Variants in LMBR1L observed in about 807,000 individuals in gnomAD.
LMBR1L encodes limb development membrane protein 1 like.
LMBR1L carries 47 observed loss-of-function variants against 67.3 expected under a neutral mutation model. That is an observed-to-expected ratio of 0.70 (90% CI 0.55 to 0.89). LMBR1L has a LOEUF of 0.89. LMBR1L is among the 40% of genes least tolerant of loss of function. LMBR1L has a pLI of 0.00. For missense variants in LMBR1L, 533 were observed against 599.2 expected, an observed-to-expected ratio of 0.89 and a Z score of 1.15; for synonymous variants, 247 against 250.3, an observed-to-expected ratio of 0.99 and a Z score of 0.13.
At chr12:49,104,676 T>C in intron 4 of LMBR1L, 70 bp downstream of exon 4, 1 of 1,601,162 alleles carries the variant, frequency 6.2e-7, no homozygotes. Context: ...CACGGCTGCC[T>C]GAGTCCACCC....
At chr12:49,106,242 G>A (rs923466912) in intron 2 of LMBR1L, among the ~76,000 whole-genome samples, 1 of 152,120 alleles carries the variant, frequency 6.6e-6, no homozygotes, top group Non-Finnish European at 1.5e-5. Flanking sequence ...CTCTTTATAT[G>A]CTCAAACTAT....
At chr12:49,102,089 C>T in intron 11 of LMBR1L, 31 bp downstream of exon 11, 1 of 1,588,692 alleles carries the variant, frequency 6.3e-7, no homozygotes, top group Non-Finnish European at 8.6e-7. Flanking sequence ...ACTGAGGGTC[C>T]ACTCCTCACC....
At position 49,103,168 on chromosome 12, in the gene LMBR1L, A is replaced by T; in HGVS notation, c.563-9T>A. On this transcript the variant is annotated splice_polypyrimidine_tract_variant and intron_variant, in intron 6 of 16. Transcript: ENST00000267102. ...ATAGTACTCCCAAAAGTCTAAGGATAAAAAAAAGAGGCATGTCAGCTCATC... is the reference window on the plus strand; with the variant it reads ...ATAGTACTCCCAAAAGTCTAAGGATTAAAAAAAGAGGCATGTCAGCTCATC... 1 of 1,606,040 alleles carries T rather than the reference A, an allele frequency of 6.2e-7. No homozygotes were observed. The highest frequency in any genetic ancestry group is 8.5e-7 in the Non-Finnish European group (1 of 1,173,296).
In LMBR1L at chr12:49,097,366, A is replaced by C. The variant is rs1013792621; in HGVS notation, c.*306T>G. 2.6e-6 allele frequency: 1 copy of C among 384,104 alleles called. No homozygotes were observed. Among genetic ancestry groups the C allele is most frequent in the African/African-American group, 2.0e-5 (1 of 49,676 alleles). 23.8% of individuals were successfully genotyped at this position (384,104 alleles called of 1,614,324 possible). On this transcript the variant is annotated 3_prime_UTR_variant, in exon 17 of 17. Transcript: ENST00000267102. ...CTATTGCACATCAAATCATGTAAAC[A>C]TGGCTATGGGGATGGCCCAGAACAG...
chr12:49,103,039 T>C lies in LMBR1L; in HGVS notation c.631+52A>G, dbSNP rs1394125076. 2.4e-5 allele frequency: 38 copies of C among 1,608,478 alleles called. No individual in the cohort carries two copies. In the Middle Eastern group the frequency reaches 6.6e-4, roughly 28 times the overall value. On this transcript the variant is annotated intron_variant, in intron 7 of 16. Coordinates refer to ENST00000267102, the MANE Select transcript of LMBR1L (RefSeq NM_018113.4). ...CCCATTCCCTTTCCTTCTAGCCTGG[T>C]TACTCTGGTCCAAGGACCCTGCCCA...
At chr12:49,100,830 C>T (rs1304894572) in intron 13 of LMBR1L, 184 bp from the exon 14 acceptor site, 3 of 605,810 alleles carry the variant, frequency 5.0e-6, no homozygotes, top group Admixed American at 6.2e-5. Context: ...TGGGCTTAAG[C>T]GATCTTCCCA....
In LMBR1L at chr12:49,104,865, G is replaced by GT; in HGVS notation, c.211dup (p.Thr71AsnfsTer20). 6.2e-7 allele frequency: 1 copy of GT among 1,612,962 alleles called. No homozygotes were observed. Among genetic ancestry groups the GT allele is most frequent in the Non-Finnish European group, 8.5e-7 (1 of 1,179,578 alleles). On this transcript the variant is annotated frameshift_variant, in exon 4 of 17. Transcript: ENST00000267102. LOFTEE classifies it high-confidence loss of function. Reference sequence around the variant, plus strand: ...GACAGCACCCAGGGCAATTGCCAGGGTAAAGGTGCACAGCTCGAGCCTGGG... The same window carrying GT: ...GACAGCACCCAGGGCAATTGCCAGGGTTAAAGGTGCACAGCTCGAGCCTGGG...
At position 49,102,188 on chromosome 12, in the gene LMBR1L, G is replaced by T. The variant is rs758828358; in HGVS notation, c.862C>A (p.Arg288=). The change falls in exon 11 of 17, where the codon CGG becomes AGG. Residue 288 remains arginine, a synonymous_variant. Transcript: ENST00000267102. The part of the protein sequence containing the change: ...QTQRVLLEKR[R]KASAWQRNLG... ...TTCCGTTGCCAGGCTGAAGCCTTCC[G>T]CCTCTTCTCTGTGCAGGGATGGGAG... 6.2e-7 allele frequency: 1 copy of T among 1,614,126 alleles called. No homozygotes were observed. The highest frequency in any genetic ancestry group is 8.5e-7 in the Non-Finnish European group (1 of 1,180,002).
In LMBR1L at chr12:49,097,595, G is replaced by T; in HGVS notation, c.*77C>A. On this transcript the variant is annotated 3_prime_UTR_variant, in exon 17 of 17. Transcript: ENST00000267102. ...TCAGATTCCAGGTCCTGAGGTCCAA[G>T]TAGCCTTGGGCTTCCCTCCAGGCCT... is the stretch of plus-strand genomic sequence containing the variant. The T allele has an allele frequency of 6.9e-7, 1 of 1,455,158 alleles. No individual in the cohort carries two copies. Among genetic ancestry groups the T allele is most frequent in the Non-Finnish European group, 9.6e-7 (1 of 1,042,850 alleles). The allele number at this position is 1,455,158 out of a possible 1,614,324, so 90.1% of individuals were successfully genotyped here.
At chr12:49,105,224 G>T in intron 3 of LMBR1L, 1 of 284,636 alleles carries the variant, frequency 3.5e-6, no homozygotes, top group African/African-American at 2.1e-5. Flanking sequence ...TAGGGGACCT[G>T]GCTTCTCTTC....
chr12:49,097,767 A>C lies in LMBR1L; in HGVS notation c.1403-28T>G, dbSNP rs369732299. ...GGAGAAGAGGAGATGGGCAGTCAAA[A>C]GCAAGTCAAAGGTCCAGTCCGTTAG... On this transcript the variant is annotated intron_variant, in intron 16 of 16. Transcript: ENST00000267102. 1.9e-4 allele frequency: 307 copies of C among 1,613,756 alleles called. 2 individuals are homozygous for C. Among genetic ancestry groups the C allele is most frequent in the Middle Eastern group, 3.3e-4 (2 of 6,038 alleles).
intron 2 of LMBR1L, 137 bp downstream of exon 2, chr12:49,106,824 G>A: frequency 1.1e-6 from 1 of 878,336 alleles, no homozygotes. Flanking sequence ...TTGCAGAAAG[G>A]GAGGCTGAAG....
At chr12:49,101,118 T>A in intron 13 of LMBR1L, 132 bp downstream of exon 13, 2 of 1,579,604 alleles carry the variant, frequency 1.3e-6, no homozygotes, top group Non-Finnish European at 8.6e-7. Context: ...CTGAGGTTGA[T>A]GAAAACTTGC....
In LMBR1L at chr12:49,102,955, T is replaced by C. The variant is rs748341149; in HGVS notation, c.632-4A>G. 1.2e-6 allele frequency: 2 copies of C among 1,613,868 alleles called. No homozygotes were observed. Among genetic ancestry groups the C allele is most frequent in the Non-Finnish European group, 8.5e-7 (1 of 1,179,906 alleles). On this transcript the variant is annotated splice_polypyrimidine_tract_variant and splice_region_variant and intron_variant, in intron 7 of 16. Coordinates refer to ENST00000267102, the MANE Select transcript of LMBR1L (RefSeq NM_018113.4). ...GCGAGACCCAGTGGAGTACACACTG[T>C]AGGGACAAGAGCCAGTCACTTGCCA... is the stretch of plus-strand genomic sequence containing the variant.
chr12:49,101,915 A>G lies in LMBR1L; in HGVS notation c.930+205T>C, dbSNP rs559883018. On this transcript the variant is annotated intron_variant, in intron 11 of 16. Coordinates refer to ENST00000267102, the MANE Select transcript of LMBR1L (RefSeq NM_018113.4). ...CTGGCCCTGTGTCTTTGGGCAAGTC[A>G]CTCAACTCTGTCTCTTCGTCTACAA... 2.2e-5 allele frequency: 13 copies of G among 596,800 alleles called. No individual in the cohort carries two copies. The African/African-American group carries it at 2.4e-4, about 11-fold the overall frequency. 37.0% of individuals were successfully genotyped at this position (596,800 alleles called of 1,614,324 possible).
chr12:49,110,673 G>C lies in LMBR1L; in HGVS notation c.-118C>G. On this transcript the variant is annotated 5_prime_UTR_variant, in exon 1 of 17. Coordinates refer to ENST00000267102, the MANE Select transcript of LMBR1L (RefSeq NM_018113.4). ...CTAGGGGCCTTTCCTCGCAGCCTGC[G>C]ACAGAAACTCGGGGCAGTCTGGGGC... is the stretch of plus-strand genomic sequence containing the variant. 1 of 853,998 alleles carries C rather than the reference G, an allele frequency of 1.2e-6. No homozygotes were observed. The highest frequency in any genetic ancestry group is 1.4e-5 in the South Asian group (1 of 72,028). The allele number at this position is 853,998 out of a possible 1,614,324, so 52.9% of individuals were successfully genotyped here. A position where few individuals can be genotyped will look rare whatever the true frequency, so the allele number is the denominator to read the frequency against.
chr12:49,103,131 G>A lies in LMBR1L; in HGVS notation c.591C>T (p.Leu197=), dbSNP rs551018909. Reference sequence around the variant, plus strand: ...CCCCAAGGAAGGAGATGCATGAGTAGAGGTAGGGGAGATAGTACTCCCAAA... The same window carrying A: ...CCCCAAGGAAGGAGATGCATGAGTAAAGGTAGGGGAGATAGTACTCCCAAA... ...YDFWEYYLPY[L]YSCISFLGVL... Residue 197 remains leucine (L), a synonymous_variant, in exon 7 of 17, where the codon CTC becomes CTT. Transcript: ENST00000267102. The A allele has an allele frequency of 1.2e-6, 2 of 1,613,918 alleles. No individual in the cohort carries two copies. The highest frequency in any genetic ancestry group is 8.5e-7 in the Non-Finnish European group (1 of 1,179,954).
In LMBR1L at chr12:49,100,312, T is replaced by C; in HGVS notation, c.1240+76A>G. The C allele has an allele frequency of 6.5e-6, 7 of 1,078,156 alleles. No homozygotes were observed. In the South Asian group the frequency reaches 8.8e-5, roughly 14 times the overall value. The allele number at this position is 1,078,156 out of a possible 1,614,324, so 66.8% of individuals were successfully genotyped here. A position where few individuals can be genotyped will look rare whatever the true frequency, so the allele number is the denominator to read the frequency against. ...TGTTGTGGGAATTAGAGAAATTATG[T>C]ATATAAAGTGCCTGCTTTGCATCAG... On this transcript the variant is annotated intron_variant, in intron 15 of 16. Transcript: ENST00000267102.
At position 49,097,677 on chromosome 12, in the gene LMBR1L, G is replaced by A; in HGVS notation, c.1465C>T (p.Gln489Ter). Residue 489 changes from glutamine to a stop codon, truncating the protein, a stop_gained, in exon 17 of 17, where the codon CAG becomes TAG. Coordinates refer to ENST00000267102, the MANE Select transcript of LMBR1L (RefSeq NM_018113.4). LOFTEE classifies it high-confidence loss of function. ...TTCCCACCCCCAGCTGGAGGTCACT[G>A]GTGCTGGGTCTTCCTAGATGCCTGG... Reference protein sequence around the residue: ...FPQASRKTQHQ With the variant: ...FPQASRKTQH 6.2e-7 allele frequency: 1 copy of A among 1,613,456 alleles called. No individual in the cohort carries two copies. The highest frequency in any genetic ancestry group is 8.5e-7 in the Non-Finnish European group (1 of 1,179,954).
Sources: gnomAD v4.1 joint callset for allele counts (sites outside exome capture counted in the v4.1 genomes callset) on GRCh38, gnomAD v4.1.1 for gene constraint, MANE v1.5 for transcripts, NCBI Gene and HGNC (gene_info 2026-07-23, HGNC 2026-07-21) for gene names.